Variants in TSG101 observed in about 807,000 individuals in gnomAD.
TSG101 encodes the protein tumor susceptibility 101, also known as tumor susceptibility gene 101 protein.
In TSG101, 19 loss-of-function variants were observed where a neutral mutation model predicts 48.5. The observed-to-expected ratio is 0.39, with a 90% CI of 0.27 to 0.58. TSG101 has a LOEUF of 0.58. Among genes scored for constraint, TSG101 ranks in the 20% least tolerant of loss-of-function variants. The pLI is 0.55. For missense variants in TSG101, 365 were observed against 484.4 expected (o/e 0.75, Z 2.31); for synonymous variants, 174 against 169.4 (o/e 1.03, Z -0.21).
chr11:18,480,645 G>A lies in TSG101; in HGVS notation c.1084-10C>T, dbSNP rs371490370. 5.1e-5 allele frequency: 82 copies of A among 1,612,478 alleles called. No homozygotes were observed. The African/African-American group carries it at 9.2e-4, about 18-fold the overall frequency. On this transcript the variant is annotated splice_polypyrimidine_tract_variant and intron_variant, in intron 9 of 9. Coordinates refer to ENST00000251968, the MANE Select transcript of TSG101 (RefSeq NM_006292.4). ...ACAGAAGACGTACATGCTGGGAGGG[G>A]AGAAAAGTTTGAATAGTTTAGAATG...
chr11:18,516,740 G>T (rs1850182297), intron 2 of TSG101, among the ~76,000 whole-genome samples: 1 of 151,816 alleles, frequency 6.6e-6, no homozygotes, highest in South Asian at 2.1e-4. Flanking sequence ...TCAGGAGTTT[G>T]AGACTAGCCT....
chr11:18,486,713 T>G (rs1456442577), intron 7 of TSG101, among the ~76,000 whole-genome samples: 1 of 151,782 alleles, frequency 6.6e-6, no homozygotes, highest in Non-Finnish European at 1.5e-5. Flanking sequence ...AGTGTGGCGA[T>G]TCCTCAGGGA....
rs76304734 is a variant in TSG101 at position 18,483,054 on chromosome 11, G to A, written c.843+816C>T. 3.8e-3 allele frequency among the ~76,000 whole-genome samples: 577 copies of A among 152,218 alleles called. 5 individuals carry two copies. Among genetic ancestry groups the A allele is most frequent in the African/African-American group, 0.014 (564 of 41,524 alleles). On this transcript the variant is annotated intron_variant, in intron 8 of 9. Coordinates refer to ENST00000251968, the MANE Select transcript of TSG101 (RefSeq NM_006292.4). ...TGTGTGTGTGTGTGTAGCAGGGGGT[G>A]GGGAGGGATGGCACGCAGGGGTGGT... is the stretch of plus-strand genomic sequence containing the variant.
intron 6 of TSG101, among the ~76,000 whole-genome samples, chr11:18,503,370 AT>A (rs397848238): frequency 0.018 from 2,339 of 130,774 alleles, 12 homozygotes; most frequent in East Asian, 0.076. Context: ...TTCAGGTTAA[AT>A]TTTTTTTTTT....
intron 7 of TSG101, among the ~76,000 whole-genome samples, chr11:18,486,371 G>C (rs913717522): frequency 6.6e-6 from 1 of 152,218 alleles, no homozygotes; most frequent in Non-Finnish European, 1.5e-5. Flanking sequence ...GAGTGACTGA[G>C]AAGAAAATCC....
chr11:18,497,057 C>T (rs1849794279), intron 7 of TSG101, among the ~76,000 whole-genome samples: 1 of 152,174 alleles, frequency 6.6e-6, no homozygotes. Context: ...CGCCACTGCA[C>T]TCCAGCCTTG....
intron 7 of TSG101, among the ~76,000 whole-genome samples, chr11:18,491,275 C>G (rs1480252245): frequency 6.6e-6 from 1 of 151,852 alleles, no homozygotes; most frequent in African/African-American, 2.4e-5. Context: ...CTACACCAGA[C>G]AGTCTAACAG....
intron 7 of TSG101, among the ~76,000 whole-genome samples, chr11:18,484,462 T>C (rs905858738): frequency 6.6e-6 from 1 of 152,222 alleles, no homozygotes; most frequent in Non-Finnish European, 1.5e-5. Flanking sequence ...CAGGCTTCGC[T>C]GCTAAGCTGA....
chr11:18,505,798 A>G (rs973714510), intron 6 of TSG101, among the ~76,000 whole-genome samples: 1 of 152,122 alleles, frequency 6.6e-6, no homozygotes, highest in African/African-American at 2.4e-5. Flanking sequence ...GATTCCTGCA[A>G]TGTATAGAAA....
In TSG101 at chr11:18,480,626, G is replaced by A; in HGVS notation, c.1093C>T (p.Leu365Phe). 1 of 1,613,840 alleles carries A rather than the reference G, an allele frequency of 6.2e-7. No homozygotes were observed. Among genetic ancestry groups the A allele is most frequent in the Non-Finnish European group, 8.5e-7 (1 of 1,179,870 alleles). ...AGCTGGAACTGTTTACGGGACAGAA[G>A]ACGTACATGCTGGGAGGGGAGAAAA... ...DLDVFLKHVR[L>F]LSRKQFQLRA... Residue 365 changes from leucine (L) to phenylalanine (F), a missense_variant, in exon 10 of 10, where the codon CTT becomes TTT. Leu to Phe is a conservative substitution (Grantham distance 22, BLOSUM62 0). Coordinates refer to ENST00000251968, the MANE Select transcript of TSG101 (RefSeq NM_006292.4).
chr11:18,519,218 T>C (rs1204257037), intron 2 of TSG101, among the ~76,000 whole-genome samples: 1 of 152,076 alleles, frequency 6.6e-6, no homozygotes, highest in African/African-American at 2.4e-5. Context: ...TTGCCCAGGC[T>C]GGTCTCAACC....
At chr11:18,509,079 G>C (rs922080811) in intron 5 of TSG101, among the ~76,000 whole-genome samples, 1 of 152,216 alleles carries the variant, frequency 6.6e-6, no homozygotes, top group Non-Finnish European at 1.5e-5. Context: ...GTACGAAAGA[G>C]AAGAAAGCTA....
intron 7 of TSG101, among the ~76,000 whole-genome samples, chr11:18,493,217 C>T (rs1362441198): frequency 6.6e-6 from 1 of 152,138 alleles, no homozygotes; most frequent in African/African-American, 2.4e-5. Flanking sequence ...GATCTGATCT[C>T]CAAACTTAAT....
At chr11:18,495,749 T>C (rs1401116220) in intron 7 of TSG101, among the ~76,000 whole-genome samples, 1 of 151,900 alleles carries the variant, frequency 6.6e-6, no homozygotes, top group African/African-American at 2.4e-5. Flanking sequence ...CCTAGTTAGT[T>C]TTCAAAACAC....
At chr11:18,523,649 T>C (rs1007496656) in intron 1 of TSG101, among the ~76,000 whole-genome samples, 11 of 152,074 alleles carry the variant, frequency 7.2e-5, no homozygotes, top group African/African-American at 2.7e-4. Flanking sequence ...ATTACAGGCG[T>C]GCGCCACCAT....
chr11:18,480,498 A>T lies in TSG101; in HGVS notation c.*48T>A. 2 of 1,470,158 alleles carry T rather than the reference A, an allele frequency of 1.4e-6. No homozygotes were observed. The highest frequency in any genetic ancestry group is 1.9e-6 in the Non-Finnish European group (2 of 1,059,572). The allele number at this position is 1,470,158 out of a possible 1,614,324, so 91.1% of individuals were successfully genotyped here. Reference sequence around the variant, plus strand: ...CTGGGCACCTACTGATAAAAGGAAGAGAAGAATACTTTAAGAAGAGCTCAA... The same window carrying T: ...CTGGGCACCTACTGATAAAAGGAAGTGAAGAATACTTTAAGAAGAGCTCAA... On this transcript the variant is annotated 3_prime_UTR_variant, in exon 10 of 10. Coordinates refer to ENST00000251968, the MANE Select transcript of TSG101 (RefSeq NM_006292.4).
intron 6 of TSG101, among the ~76,000 whole-genome samples, chr11:18,505,100 T>A (rs1849947347): frequency 6.6e-6 from 1 of 152,170 alleles, no homozygotes; most frequent in Admixed American, 6.5e-5. Context: ...TATGTACATA[T>A]ATATATTTAC....
chr11:18,498,373 A>G (rs1324894961), intron 7 of TSG101, among the ~76,000 whole-genome samples: 5 of 152,192 alleles, frequency 3.3e-5, no homozygotes, highest in African/African-American at 1.2e-4. Flanking sequence ...AGAGAGATGT[A>G]GGGGGACAAG....
At chr11:18,516,453 T>C (rs1850175567) in intron 2 of TSG101, among the ~76,000 whole-genome samples, 1 of 151,864 alleles carries the variant, frequency 6.6e-6, no homozygotes, top group South Asian at 2.1e-4. Context: ...CAAGCGATTC[T>C]CCTGCCTCAG....
Sources: gnomAD v4.1 joint callset for allele counts (sites outside exome capture counted in the v4.1 genomes callset) on GRCh38, gnomAD v4.1.1 for gene constraint, MANE v1.5 for transcripts, NCBI Gene and HGNC (gene_info 2026-07-23, HGNC 2026-07-21) for gene names.